The following MEA1 variants were observed in gnomAD, a reference collection of about 807,000 sequenced individuals.
MEA1 encodes male-enhanced antigen 1, also known as Male-enhanced antigen (H-Y structural gene).
In MEA1, 22 loss-of-function variants were observed where a neutral mutation model predicts 21.4. The observed-to-expected ratio is 1.03, with a 90% CI of 0.73 to 1.47. MEA1 has a LOEUF of 1.47. Ranked by LOEUF, MEA1 falls within the 40% of genes most tolerant of loss-of-function variation. The pLI is 0.00. For missense variants in MEA1, 233 were observed against 230.5 expected, an observed-to-expected ratio of 1.01 and a Z score of -0.07; for synonymous variants, 91 against 85.5, an observed-to-expected ratio of 1.06 and a Z score of -0.35.
chr6:43,013,046 A>C lies in MEA1; in HGVS notation c.304-18T>G. The C allele has an allele frequency of 6.2e-7, 1 of 1,614,056 alleles. No individual in the cohort carries two copies. Among genetic ancestry groups the C allele is most frequent in the Non-Finnish European group, 8.5e-7 (1 of 1,179,968 alleles). ...CCCAGGGCCTGCAGAGCCACAGAAG[A>C]CCGTTTGGGTCTAGGCTTTCAGGGA... is the stretch of plus-strand genomic sequence containing the variant. On this transcript the variant is annotated intron_variant, in intron 2 of 3. Coordinates refer to ENST00000244711, the MANE Select transcript of MEA1 (RefSeq NM_014623.4).
chr6:43,013,901 C>G lies in MEA1; in HGVS notation c.-88G>C. ...CCGGTGTTCCCGCGCGCCTCACCCG[C>G]TCAGAGCCCGCGGCCTCCACTTCCG... On this transcript the variant is annotated 5_prime_UTR_variant, in exon 1 of 4. Transcript: ENST00000244711. 1 of 1,495,722 alleles carries G rather than the reference C, an allele frequency of 6.7e-7. No homozygotes were observed. Among genetic ancestry groups the G allele is most frequent in the Non-Finnish European group, 8.9e-7 (1 of 1,122,872 alleles). 92.7% of individuals were successfully genotyped at this position (1,495,722 alleles called of 1,614,324 possible).
Position 43,011,619 on chromosome 6 carries a change from C to T in MEA1, c.*851G>A, listed in dbSNP as rs745789429. On this transcript the variant is annotated 3_prime_UTR_variant, in exon 4 of 4. Coordinates refer to ENST00000244711, the MANE Select transcript of MEA1 (RefSeq NM_014623.4). ...TACACACAGGAATACATACGCTCCT[C>T]TATTCTTCCCTTCATCCTCATTTGA... is the stretch of plus-strand genomic sequence containing the variant. 2 of 328,408 alleles carry T rather than the reference C, an allele frequency of 6.1e-6. No individual in the cohort carries two copies. Among genetic ancestry groups the T allele is most frequent in the Non-Finnish European group, 1.1e-5 (2 of 175,568 alleles). 20.3% of individuals were successfully genotyped at this position (328,408 alleles called of 1,614,324 possible).
upstream of MEA1, among the ~76,000 whole-genome samples, chr6:43,015,850 T>C (rs139529252): frequency 0.021 from 2,430 of 116,808 alleles, 37 homozygotes; most frequent in Middle Eastern, 0.055. Flanking sequence ...CGAGACTTCA[T>C]CTAAAAAAAA....
chr6:43,013,907 G>A lies in MEA1; in HGVS notation c.-94C>T, dbSNP rs1762482182. On this transcript the variant is annotated 5_prime_UTR_variant, in exon 1 of 4. Coordinates refer to ENST00000244711, the MANE Select transcript of MEA1 (RefSeq NM_014623.4). ...TTCCCGCGCGCCTCACCCGCTCAGAGCCCGCGGCCTCCACTTCCGGCGGGG... is the reference window on the plus strand; with the variant it reads ...TTCCCGCGCGCCTCACCCGCTCAGAACCCGCGGCCTCCACTTCCGGCGGGG... The A allele has an allele frequency of 1.3e-6, 2 of 1,485,682 alleles. No homozygotes were observed. The highest frequency in any genetic ancestry group is 2.5e-5 in the East Asian group (1 of 39,958). 92.0% of individuals were successfully genotyped at this position (1,485,682 alleles called of 1,614,324 possible).
intron 1 of MEA1, 34 bp from the exon 2 acceptor site, chr6:43,013,423 G>A (rs1159473813): frequency 1.9e-6 from 3 of 1,601,262 alleles, no homozygotes; most frequent in East Asian, 2.2e-5. Context: ...GACAGGGATC[G>A]GATGAAACCA....
In MEA1 at chr6:43,013,090, A is replaced by AGGAACCATCCCTCCTCCACCCTACCT. The variant is rs768328146; in HGVS notation, c.302_303+24dup. On this transcript the variant is annotated intron_variant, in intron 2 of 3. Transcript: ENST00000244711. The stretch of plus-strand genomic sequence containing the variant: ...TCAGGGAGCCCAGCTTCACCTGTTC[A>AGGAACCATCCCTCCTCCACCCTACCT]GGAACCATCCCTCCTCCACCCTACC... 8 of 1,613,970 alleles carry AGGAACCATCCCTCCTCCACCCTACCT rather than the reference A, an allele frequency of 5.0e-6. No individual in the cohort carries two copies. In the African/African-American group the frequency reaches 8.0e-5, roughly 16 times the overall value.
upstream of MEA1, chr6:43,014,726 A>T (rs1762519298): frequency 2.5e-6 from 1 of 400,046 alleles, no homozygotes. Flanking sequence ...AGTGCATGCT[A>T]ATTTTTCTTT....
Position 43,013,924 on chromosome 6 carries a change from C to T in MEA1, c.-111G>A. 2 of 1,466,180 alleles carry T rather than the reference C, an allele frequency of 1.4e-6. No individual in the cohort carries two copies. The highest frequency in any genetic ancestry group is 1.8e-6 in the Non-Finnish European group (2 of 1,106,782). The allele number at this position is 1,466,180 out of a possible 1,614,324, so 90.8% of individuals were successfully genotyped here. A position where few individuals can be genotyped will look rare whatever the true frequency, so the allele number is the denominator to read the frequency against. The stretch of plus-strand genomic sequence containing the variant: ...CGCTCAGAGCCCGCGGCCTCCACTT[C>T]CGGCGGGGCAGGACGTGCAGAGGTG... On this transcript the variant is annotated 5_prime_UTR_variant, in exon 1 of 4. Transcript: ENST00000244711.
chr6:43,013,738 C>T (rs752612064), intron 1 of MEA1, 48 bp downstream of exon 1: 14 of 1,550,154 alleles, frequency 9.0e-6, no homozygotes, highest in African/African-American at 2.7e-5. Flanking sequence ...CTAAACAGGT[C>T]GGCGTACCCG....
In MEA1 at chr6:43,013,913, G is replaced by T; in HGVS notation, c.-100C>A. On this transcript the variant is annotated 5_prime_UTR_variant, in exon 1 of 4. Coordinates refer to ENST00000244711, the MANE Select transcript of MEA1 (RefSeq NM_014623.4). Reference sequence around the variant, plus strand: ...CGCGCCTCACCCGCTCAGAGCCCGCGGCCTCCACTTCCGGCGGGGCAGGAC... The same window carrying T: ...CGCGCCTCACCCGCTCAGAGCCCGCTGCCTCCACTTCCGGCGGGGCAGGAC... 1 of 1,410,494 alleles carries T rather than the reference G, an allele frequency of 7.1e-7. No homozygotes were observed. The highest frequency in any genetic ancestry group is 9.3e-7 in the Non-Finnish European group (1 of 1,070,574). The allele number at this position is 1,410,494 out of a possible 1,614,324, so 87.4% of individuals were successfully genotyped here.
chr6:43,014,112 C>G, upstream of MEA1: 1 of 1,417,752 alleles, frequency 7.1e-7, no homozygotes. Context: ...CAGAATCTCT[C>G]CTACGCCCCT....
chr6:43,016,414 A>T (rs371345463), upstream of MEA1: 2 of 152,360 alleles, frequency 1.3e-5, no homozygotes, highest in East Asian at 3.9e-4. Context: ...CTAAGCATAC[A>T]CATACCTTTC....
At chr6:43,014,471 G>C (rs778394042), upstream of MEA1, 4 of 521,326 alleles carry the variant, frequency 7.7e-6, no homozygotes, top group South Asian at 4.6e-5. Context: ...GAGCTAGGGG[G>C]ATGATGGGAA....
At chr6:43,015,298 G>C (rs1185447682), upstream of MEA1, among the ~76,000 whole-genome samples, 1 of 152,090 alleles carries the variant, frequency 6.6e-6, no homozygotes, top group Non-Finnish European at 1.5e-5. Flanking sequence ...GGGGAGGTTG[G>C]GTGGGTGGGA....
chr6:43,012,112 A>C lies in MEA1; in HGVS notation c.*358T>G. 1 of 762,814 alleles carries C rather than the reference A, an allele frequency of 1.3e-6. No homozygotes were observed. Among genetic ancestry groups the C allele is most frequent in the Non-Finnish European group, 1.6e-6 (1 of 621,002 alleles). The allele number at this position is 762,814 out of a possible 1,614,324, so 47.3% of individuals were successfully genotyped here. ...GCATGGCTCCTGCCAACACCTATTT[A>C]TTTCCTTGTTTGTGCTATGCTGGGC... On this transcript the variant is annotated 3_prime_UTR_variant, in exon 4 of 4. Transcript: ENST00000244711.
chr6:43,013,830 GCCCCAGCTGCAGCGTCCCCCACCCGC>G lies in MEA1; in HGVS notation c.-43_-18del. 3 of 1,598,536 alleles carry G rather than the reference GCCCCAGCTGCAGCGTCCCCCACCCGC, an allele frequency of 1.9e-6. No homozygotes were observed. The highest frequency in any genetic ancestry group is 2.6e-6 in the Non-Finnish European group (3 of 1,173,644). On this transcript the variant is annotated 5_prime_UTR_variant, in exon 1 of 4. Transcript: ENST00000244711. ...AGGCCCCATGGGCTCCCCTCAAATGGCCCCAGCTGCAGCGTCCCCCACCCGCCCCCATCCGAATCCCGGCGCCGGTG... is the reference window on the plus strand; with the variant it reads ...AGGCCCCATGGGCTCCCCTCAAATGGCCCCATCCGAATCCCGGCGCCGGTG...
upstream of MEA1, among the ~76,000 whole-genome samples, chr6:43,015,621 C>T (rs996793802): frequency 5.9e-5 from 9 of 151,598 alleles, no homozygotes; most frequent in African/African-American, 2.2e-4. Context: ...AGACCGAGGA[C>T]GGTGGATCAC....
chr6:43,011,451 G>C lies in MEA1; in HGVS notation c.*1019C>G. 1.1e-6 allele frequency: 1 copy of C among 927,970 alleles called. No individual in the cohort carries two copies. The highest frequency in any genetic ancestry group is 1.6e-6 in the Non-Finnish European group (1 of 630,864). The allele number at this position is 927,970 out of a possible 1,614,324, so 57.5% of individuals were successfully genotyped here. ...TTGAAGCAGGGACACCCACAGAATG[G>C]TCCCTCTTCTCCCCAAAAGGTGTTC... On this transcript the variant is annotated 3_prime_UTR_variant, in exon 4 of 4. Coordinates refer to ENST00000244711, the MANE Select transcript of MEA1 (RefSeq NM_014623.4).
upstream of MEA1, chr6:43,014,315 G>A (rs1164195478): frequency 1.5e-6 from 1 of 650,042 alleles, no homozygotes; most frequent in African/African-American, 1.8e-5. Context: ...GGCAGCTCGA[G>A]GACCCGCGGC....
Sources: allele counts gnomAD v4.1 joint callset (sites outside exome capture counted in the v4.1 genomes callset), GRCh38; gene constraint gnomAD v4.1.1; transcripts MANE v1.5; gene names NCBI Gene and HGNC (gene_info 2026-07-23, HGNC 2026-07-21).